Variants in DPYD observed in about 807,000 individuals in gnomAD.
DPYD encodes dihydropyrimidine dehydrogenase [NADP(+)].
Under a neutral mutation model 116.2 loss-of-function variants are expected in DPYD, and 109 were observed. The ratio of observed to expected loss-of-function variants is 0.94; its 90% confidence interval spans 0.80 to 1.10. DPYD has a LOEUF of 1.10. Ranked by LOEUF, DPYD falls within the 50% of genes least tolerant of loss-of-function variation. DPYD has a pLI of 0.00. For missense variants in DPYD, 1,302 were observed against 1,254.5 expected (o/e 1.04, Z -0.57); for synonymous variants, 440 against 432.0 (o/e 1.02, Z -0.23).
At chr1:97,427,084 T>C (rs1290073646) in intron 14 of DPYD, among the ~76,000 whole-genome samples, 1 of 152,110 alleles carries the variant, frequency 6.6e-6, no homozygotes, top group Non-Finnish European at 1.5e-5. Context: ...TTAGTTAATC[T>C]TCAAATAAGT....
At chr1:97,791,125 G>C (rs748721744) in intron 3 of DPYD, among the ~76,000 whole-genome samples, 7 of 152,114 alleles carry the variant, frequency 4.6e-5, no homozygotes, top group Non-Finnish European at 1.0e-4. Flanking sequence ...TTCTCAAGTG[G>C]CATGATTCAC....
chr1:97,091,659 T>G (rs913444451), intron 21 of DPYD, among the ~76,000 whole-genome samples: 1 of 152,162 alleles, frequency 6.6e-6, no homozygotes, highest in Admixed American at 6.5e-5. Flanking sequence ...TGACAATAAC[T>G]GTGGCTCCTA....
chr1:97,326,912 T>C (rs1668734920), intron 16 of DPYD, among the ~76,000 whole-genome samples: 1 of 152,120 alleles, frequency 6.6e-6, no homozygotes, highest in Non-Finnish European at 1.5e-5. Context: ...TTAGAACTAA[T>C]GACATGATGA....
intron 20 of DPYD, among the ~76,000 whole-genome samples, chr1:97,155,904 A>G (rs1655410548): frequency 6.6e-6 from 1 of 152,110 alleles, no homozygotes; most frequent in Admixed American, 6.6e-5. Context: ...TCAAACTTAA[A>G]CCTACATATC....
In DPYD at chr1:97,682,257, G is replaced by A. The variant is rs963980933; in HGVS notation, c.763-3075C>T. 2.6e-5 allele frequency among the ~76,000 whole-genome samples: 4 copies of A among 151,894 alleles called. No individual in the cohort carries two copies. The South Asian group carries it at 6.2e-4, about 24-fold the overall frequency. ...CAAAGATGAGTATCTTGATCTTGGT[G>A]TGAATCTACTGGGATGGAGACCAGC... On this transcript the variant is annotated intron_variant, in intron 7 of 22. Coordinates refer to ENST00000370192, the MANE Select transcript of DPYD (RefSeq NM_000110.4).
chr1:97,391,416 T>C (rs1186988175), intron 14 of DPYD, among the ~76,000 whole-genome samples: 1 of 152,034 alleles, frequency 6.6e-6, no homozygotes, highest in Admixed American at 6.6e-5. Flanking sequence ...CCTATCTTTG[T>C]CGCCCACATC....
At chr1:97,768,140 A>C (rs530063992) in intron 3 of DPYD, among the ~76,000 whole-genome samples, 1 of 152,332 alleles carries the variant, frequency 6.6e-6, no homozygotes, top group Non-Finnish European at 1.5e-5. Context: ...AAATATGTAC[A>C]TGTATCTCTT....
intron 18 of DPYD, among the ~76,000 whole-genome samples, chr1:97,276,190 G>C (rs901633546): frequency 1.3e-5 from 2 of 152,080 alleles, no homozygotes; most frequent in Non-Finnish European, 2.9e-5. Flanking sequence ...TCCCAAGGCT[G>C]ATGTCCAGAA....
chr1:97,319,380 TA>T (rs1187704056), intron 16 of DPYD, among the ~76,000 whole-genome samples: 1 of 130,366 alleles, frequency 7.7e-6, no homozygotes. Flanking sequence ...ATAGACACAA[TA>T]AAAAATGATA....
At chr1:97,435,902 A>T (rs189993978) in intron 14 of DPYD, among the ~76,000 whole-genome samples, 4 of 152,142 alleles carry the variant, frequency 2.6e-5, no homozygotes, top group East Asian at 3.9e-4. Context: ...AAAGAGTAAA[A>T]TGAAATGAAT....
chr1:97,442,219 C>G (rs1473887126), intron 14 of DPYD, among the ~76,000 whole-genome samples: 1 of 151,890 alleles, frequency 6.6e-6, no homozygotes, highest in Non-Finnish European at 1.5e-5. Flanking sequence ...GGGCCTGGGG[C>G]AAGTCCTTTG....
chr1:97,382,430 T>C lies in DPYD; in HGVS notation c.1937A>G (p.Asn646Ser), dbSNP rs780120302. The change falls in exon 15 of 23, where the codon AAT becomes AGT. Residue 646 changes from asparagine to serine, a missense_variant. Transcript: ENST00000370192. Reference protein sequence around the residue: ...IVIASIMCSYNKNDWTELAKK... With the variant: ...IVIASIMCSYSKNDWTELAKK... ...GGCAAGTTCCGTCCAGTCATTTTTATTGTAACTGCACATAATGCTAGCAAT... is the reference window on the plus strand; with the variant it reads ...GGCAAGTTCCGTCCAGTCATTTTTACTGTAACTGCACATAATGCTAGCAAT... The C allele has an allele frequency of 1.2e-4, 198 of 1,599,270 alleles. No homozygotes were observed. The highest frequency in any genetic ancestry group is 1.7e-4 in the Non-Finnish European group (195 of 1,172,514).
chr1:97,324,783 A>T (rs955110676), intron 16 of DPYD, among the ~76,000 whole-genome samples: 1 of 152,060 alleles, frequency 6.6e-6, no homozygotes, highest in African/African-American at 2.4e-5. Flanking sequence ...AGAAGTGATA[A>T]ATATCACCCA....
chr1:97,118,325 T>C (rs888498595), intron 20 of DPYD, among the ~76,000 whole-genome samples: 1 of 152,068 alleles, frequency 6.6e-6, no homozygotes, highest in African/African-American at 2.4e-5. Context: ...ACCTTCTTTT[T>C]CCCCCTTTTG....
At chr1:97,345,139 T>A (rs569758993) in intron 16 of DPYD, among the ~76,000 whole-genome samples, 2 of 152,120 alleles carry the variant, frequency 1.3e-5, no homozygotes, top group Admixed American at 1.3e-4. Flanking sequence ...TATCCATTTT[T>A]AAAAATCTGA....
At chr1:97,803,568 C>CT (rs1667940710) in intron 3 of DPYD, among the ~76,000 whole-genome samples, 1 of 151,720 alleles carries the variant, frequency 6.6e-6, no homozygotes, top group African/African-American at 2.4e-5. Flanking sequence ...TGAAATGGGA[C>CT]TACACAAAAA....
rs148140854 is a variant in DPYD at position 97,718,052 on chromosome 1, T to C, written c.483+3458A>G. 1.9e-3 allele frequency among the ~76,000 whole-genome samples: 289 copies of C among 152,212 alleles called. 1 individual carries two copies. Among genetic ancestry groups the C allele is most frequent in the Middle Eastern group, 3.4e-3 (1 of 294 alleles). ...GCTTTAAGAAATTTCCACACTGTTT[T>C]CCATAGTGGTTGTACTAGTTTACTT... is the stretch of plus-strand genomic sequence containing the variant. On this transcript the variant is annotated intron_variant, in intron 5 of 22. Coordinates refer to ENST00000370192, the MANE Select transcript of DPYD (RefSeq NM_000110.4).
chr1:97,851,636 C>G (rs1026500755), intron 2 of DPYD, among the ~76,000 whole-genome samples: 17 of 151,680 alleles, frequency 1.1e-4, no homozygotes, highest in African/African-American at 4.1e-4. Context: ...ATATTTAACC[C>G]TAGTCCTCCA....
At chr1:97,819,866 A>G (rs1034217) in intron 3 of DPYD, among the ~76,000 whole-genome samples, 126,184 of 151,990 alleles carry the variant, frequency 0.83, 52,580 homozygotes, top group East Asian at 0.98. Flanking sequence ...GACTGCAAAG[A>G]GGAGATTTTA....
Sources: allele counts gnomAD v4.1 joint callset (sites outside exome capture counted in the v4.1 genomes callset), GRCh38; gene constraint gnomAD v4.1.1; transcripts MANE v1.5; gene names NCBI Gene and HGNC (gene_info 2026-07-23, HGNC 2026-07-21).